The following MTUS2 variants were observed in gnomAD, a reference collection of about 807,000 sequenced individuals.
The protein encoded by MTUS2 is microtubule-associated tumor suppressor candidate 2.
Under a neutral mutation model 114.1 loss-of-function variants are expected in MTUS2, and 40 were observed. That is an observed-to-expected ratio of 0.35 (90% CI 0.27 to 0.46). The LOEUF is 0.46. MTUS2 is among the 20% of genes least tolerant of loss of function. MTUS2 has a pLI of 1.00. For synonymous variants in MTUS2, 688 were observed against 672.0 expected, an observed-to-expected ratio of 1.02 and a Z score of -0.37; for missense variants, 1,679 against 1,705.4, an observed-to-expected ratio of 0.98 and a Z score of 0.27.
chr13:29,093,785 C>A (rs1448129201), intron 4 of MTUS2, among the ~76,000 whole-genome samples: 1 of 152,146 alleles, frequency 6.6e-6, no homozygotes, highest in Non-Finnish European at 1.5e-5. Context: ...ACCTTCCATA[C>A]AATGTTAAAC....
intron 2 of MTUS2, among the ~76,000 whole-genome samples, chr13:29,009,841 A>G (rs1475010448): frequency 6.6e-6 from 1 of 152,202 alleles, no homozygotes; most frequent in African/African-American, 2.4e-5. Flanking sequence ...AGGCATTAAA[A>G]AGCTGATTGA....
intron 8 of MTUS2, among the ~76,000 whole-genome samples, chr13:29,397,303 C>T (rs1728987048): frequency 6.6e-6 from 1 of 152,150 alleles, no homozygotes; most frequent in South Asian, 2.1e-4. Flanking sequence ...TTTTTCTTTG[C>T]CCAGCTCTCA....
intron 5 of MTUS2, among the ~76,000 whole-genome samples, chr13:29,143,116 A>G (rs920973081): frequency 3.3e-5 from 5 of 152,222 alleles, no homozygotes; most frequent in African/African-American, 4.8e-5. Flanking sequence ...GCAGCAATAA[A>G]TCGAGCTTAG....
At chr13:28,992,574 T>A (rs74041690) in intron 2 of MTUS2, among the ~76,000 whole-genome samples, 2,678 of 152,240 alleles carry the variant, frequency 0.018, 79 homozygotes, top group African/African-American at 0.06. Context: ...TACTATTGAC[T>A]ATTTCCTTAA....
At position 28,859,402 on chromosome 13, in the gene MTUS2, C is replaced by T. The variant is rs185777219; in HGVS notation, c.-243+19552C>T. Among the ~76,000 whole-genome samples the T allele has an allele frequency of 2.2e-4, 33 of 152,258 alleles. 1 individual carries two copies. Among genetic ancestry groups the T allele is most frequent in the Non-Finnish European group, 5.9e-5 (4 of 68,012 alleles). ...GACTAACTCATGGACCTCATCCTTGCGGTCCAGTGACTTCTGTGGAAAAAT... is the reference window on the plus strand; with the variant it reads ...GACTAACTCATGGACCTCATCCTTGTGGTCCAGTGACTTCTGTGGAAAAAT... On this transcript the variant is annotated intron_variant, in intron 2 of 15. Transcript: ENST00000612955.
intron 8 of MTUS2, among the ~76,000 whole-genome samples, chr13:29,379,556 C>G (rs1228399110): frequency 6.6e-6 from 1 of 152,152 alleles, no homozygotes; most frequent in African/African-American, 2.4e-5. Flanking sequence ...CTCTGGGTCC[C>G]TCCAGATGAG....
Position 29,159,422 on chromosome 13 carries a change from A to G in MTUS2, c.2644+58452A>G, listed in dbSNP as rs76618231. ...CTTTTAGGAAAAAGAATAGGAGGAA[A>G]ATCTTCAGGATCTAGGACTAAGCAA... is the stretch of plus-strand genomic sequence containing the variant. On this transcript the variant is annotated intron_variant, in intron 5 of 15. Transcript: ENST00000612955. Among the ~76,000 whole-genome samples, 1,074 of 152,324 alleles carry G rather than the reference A, an allele frequency of 7.1e-3. 37 individuals carry two copies. The highest frequency in any genetic ancestry group is 0.05 in the Admixed American group (766 of 15,300).
intron 7 of MTUS2, among the ~76,000 whole-genome samples, chr13:29,356,036 C>CT (rs1766964520): frequency 6.6e-6 from 1 of 152,106 alleles, no homozygotes; most frequent in Admixed American, 6.6e-5. Flanking sequence ...TGGCTGCCTG[C>CT]ATGGTGAGGT....
At chr13:28,905,366 AT>A (rs1386118320) in intron 2 of MTUS2, among the ~76,000 whole-genome samples, 5 of 151,544 alleles carry the variant, frequency 3.3e-5, no homozygotes, top group African/African-American at 1.2e-4. Context: ...GTTTTTGTCC[AT>A]TCAGTATGAT....
intron 13 of MTUS2, among the ~76,000 whole-genome samples, chr13:29,497,992 G>T (rs1882657586): frequency 6.6e-6 from 1 of 152,172 alleles, no homozygotes; most frequent in Non-Finnish European, 1.5e-5. Context: ...AAACCACTTT[G>T]CTCATTTCCT....
At chr13:28,972,998 G>A (rs1781791167) in intron 2 of MTUS2, among the ~76,000 whole-genome samples, 1 of 151,786 alleles carries the variant, frequency 6.6e-6, no homozygotes, top group South Asian at 2.1e-4. Context: ...TATTATATAT[G>A]TATATATCAA....
intron 8 of MTUS2, among the ~76,000 whole-genome samples, chr13:29,434,890 A>G (rs1009931701): frequency 2.0e-5 from 3 of 152,240 alleles, no homozygotes; most frequent in Non-Finnish European, 2.9e-5. Context: ...GTGAAAGGCA[A>G]TATCCCCGCG....
rs148723304 is a variant in MTUS2, at chr13:29,079,450, A to G, written c.2447-21323A>G. 5.4e-3 allele frequency among the ~76,000 whole-genome samples: 827 copies of G among 152,068 alleles called. 3 individuals carry two copies. Among genetic ancestry groups the G allele is most frequent in the Admixed American group, 0.01 (156 of 15,268 alleles). On this transcript the variant is annotated intron_variant, in intron 4 of 15. Transcript: ENST00000612955. ...AACTTACCTAAATTTTTCTTTTGTTACTTATGCTTTTCATGTCATAGCTAA... is the reference window on the plus strand; with the variant it reads ...AACTTACCTAAATTTTTCTTTTGTTGCTTATGCTTTTCATGTCATAGCTAA...
At chr13:28,900,871 A>G (rs1367863058) in intron 2 of MTUS2, among the ~76,000 whole-genome samples, 1 of 152,220 alleles carries the variant, frequency 6.6e-6, no homozygotes, top group South Asian at 2.1e-4. Flanking sequence ...TTTCCTGTGA[A>G]TATCACTTTT....
At chr13:29,334,446 A>G (rs9579333) in intron 7 of MTUS2, among the ~76,000 whole-genome samples, 28,511 of 151,980 alleles carry the variant, frequency 0.19, 2,732 homozygotes, top group Middle Eastern at 0.22. Context: ...AAAGGATTTT[A>G]TTTCCCCTTC....
At chr13:29,268,861 C>T (rs1360427537) in intron 5 of MTUS2, among the ~76,000 whole-genome samples, 1 of 152,154 alleles carries the variant, frequency 6.6e-6, no homozygotes, top group Non-Finnish European at 1.5e-5. Flanking sequence ...TCCTGAGTAG[C>T]TGGGGCTACA....
chr13:29,180,165 T>C (rs994389902), intron 5 of MTUS2, among the ~76,000 whole-genome samples: 3 of 152,206 alleles, frequency 2.0e-5, no homozygotes, highest in Non-Finnish European at 4.4e-5. Flanking sequence ...ATCTTTAATG[T>C]TAGAGAGGGA....
chr13:29,297,913 G>A (rs1487314608), intron 6 of MTUS2, among the ~76,000 whole-genome samples: 1 of 152,152 alleles, frequency 6.6e-6, no homozygotes, highest in Non-Finnish European at 1.5e-5. Flanking sequence ...TCAGTGCTGT[G>A]TAAAAGAAAG....
chr13:28,885,805 T>TA (rs1878558274), intron 2 of MTUS2, among the ~76,000 whole-genome samples: 2 of 152,186 alleles, frequency 1.3e-5, no homozygotes, highest in African/African-American at 4.8e-5. Flanking sequence ...ACTGAGGATA[T>TA]AGTAGTGGAC....
Sources: gnomAD v4.1 joint callset for allele counts (sites outside exome capture counted in the v4.1 genomes callset) on GRCh38, gnomAD v4.1.1 for gene constraint, MANE v1.5 for transcripts, NCBI Gene and HGNC (gene_info 2026-07-23, HGNC 2026-07-21) for gene names.